Variants in SERGEF observed in about 807,000 individuals in gnomAD.
SERGEF encodes secretion regulating guanine nucleotide exchange factor, also known as secretion-regulating guanine nucleotide exchange factor.
Under a neutral mutation model 50.0 loss-of-function variants are expected in SERGEF, and 51 were observed. The observed-to-expected ratio is 1.02, with a 90% CI of 0.81 to 1.29. The LOEUF is 1.29. Among genes scored for constraint, SERGEF ranks in the 50% most tolerant of loss-of-function variants. SERGEF has a pLI of 0.00. For missense variants in SERGEF, 521 were observed against 557.0 expected, an observed-to-expected ratio of 0.94 and a Z score of 0.65; for synonymous variants, 205 against 212.4, an observed-to-expected ratio of 0.97 and a Z score of 0.30.
intron 8 of SERGEF, among the ~76,000 whole-genome samples, chr11:17,986,079 G>C (rs560906988): frequency 6.6e-6 from 1 of 152,220 alleles, no homozygotes; most frequent in African/African-American, 2.4e-5. Context: ...GTTCATTCCA[G>C]GAACAATTCA....
At chr11:18,000,636 G>A in intron 4 of SERGEF, 79 bp from the exon 5 acceptor site, 1 of 1,022,052 alleles carries the variant, frequency 9.8e-7, no homozygotes, top group Non-Finnish European at 1.5e-6. Context: ...CAAATACAAT[G>A]CAGTACGGTC....
At chr11:17,957,251 T>C (rs1412153630) in intron 9 of SERGEF, among the ~76,000 whole-genome samples, 2 of 152,232 alleles carry the variant, frequency 1.3e-5, no homozygotes, top group African/African-American at 4.8e-5. Flanking sequence ...TGCTGCATAC[T>C]GTGGCTACCA....
chr11:17,838,460 G>A (rs559787714), intron 10 of SERGEF, among the ~76,000 whole-genome samples: 1 of 152,302 alleles, frequency 6.6e-6, no homozygotes, highest in East Asian at 1.9e-4. Flanking sequence ...CACTAGATTA[G>A]AAGTCAGAGG....
chr11:17,821,683 G>A (rs1850087496), intron 10 of SERGEF, among the ~76,000 whole-genome samples: 1 of 152,138 alleles, frequency 6.6e-6, no homozygotes, highest in African/African-American at 2.4e-5. Flanking sequence ...TTCTCTGCAT[G>A]CCTTTCCTTA....
At chr11:17,911,528 T>G (rs572634104) in intron 9 of SERGEF, among the ~76,000 whole-genome samples, 5 of 151,836 alleles carry the variant, frequency 3.3e-5, no homozygotes, top group Non-Finnish European at 4.4e-5. Flanking sequence ...GATCTCTCTG[T>G]TGCCCAGACT....
intron 10 of SERGEF, among the ~76,000 whole-genome samples, chr11:17,866,539 C>G (rs926272661): frequency 6.6e-6 from 1 of 152,146 alleles, no homozygotes; most frequent in Non-Finnish European, 1.5e-5. Flanking sequence ...GAGTCTTGCT[C>G]TGTCACCCAG....
At chr11:17,902,752 G>A (rs940826359) in intron 9 of SERGEF, among the ~76,000 whole-genome samples, 2 of 152,186 alleles carry the variant, frequency 1.3e-5, no homozygotes, top group Non-Finnish European at 2.9e-5. Context: ...GTACATGAGC[G>A]CCTGCAAGGA....
chr11:17,857,381 T>C (rs1850840757), intron 10 of SERGEF, among the ~76,000 whole-genome samples: 1 of 152,174 alleles, frequency 6.6e-6, no homozygotes, highest in Non-Finnish European at 1.5e-5. Context: ...TTACATTAGA[T>C]CAGCTAAGAT....
At chr11:17,887,979 AT>A (rs1157441088) in intron 9 of SERGEF, among the ~76,000 whole-genome samples, 9 of 152,140 alleles carry the variant, frequency 5.9e-5, no homozygotes, top group Non-Finnish European at 1.2e-4. Flanking sequence ...CATCGCTCAC[AT>A]TACCATCTGA....
chr11:17,992,729 G>A (rs920031779), intron 7 of SERGEF, among the ~76,000 whole-genome samples: 6 of 152,122 alleles, frequency 3.9e-5, no homozygotes, highest in Admixed American at 1.3e-4. Context: ...TTTAATTCTC[G>A]TAACTGCCCA....
intron 5 of SERGEF, chr11:17,999,372 T>C (rs940422139): frequency 3.2e-6 from 1 of 313,886 alleles, no homozygotes; most frequent in Non-Finnish European, 6.2e-6. Context: ...GGGTCTGTTT[T>C]ATTTTTGCAG....
chr11:17,957,466 C>T (rs1410984933), intron 9 of SERGEF, among the ~76,000 whole-genome samples: 1 of 152,132 alleles, frequency 6.6e-6, no homozygotes, highest in Non-Finnish European at 1.5e-5. Flanking sequence ...TACTACCTGA[C>T]CACAAAGTCT....
chr11:17,856,595 A>G (rs1850823594), intron 10 of SERGEF: 2 of 152,250 alleles, frequency 1.3e-5, no homozygotes, highest in South Asian at 4.1e-4. Context: ...TAAGCTGCAG[A>G]GTACCCAGGA....
chr11:17,897,081 T>C (rs1225546129), intron 9 of SERGEF, among the ~76,000 whole-genome samples: 2 of 152,230 alleles, frequency 1.3e-5, no homozygotes, highest in African/African-American at 2.4e-5. Flanking sequence ...CTCTGGCTGA[T>C]GGCAGAAGGA....
Position 17,998,478 on chromosome 11 carries a change from T to C in SERGEF, c.508+2019A>G, listed in dbSNP as rs971361923. Among the ~76,000 whole-genome samples, 60 of 111,852 alleles carry C rather than the reference T, an allele frequency of 5.4e-4. 1 individual carries two copies. Among genetic ancestry groups the C allele is most frequent in the Non-Finnish European group, 8.3e-4 (45 of 53,960 alleles). The allele number at this position is 111,852 out of a possible 152,430, so 73.4% of individuals were successfully genotyped here. A position where few individuals can be genotyped will look rare whatever the true frequency, so the allele number is the denominator to read the frequency against. On this transcript the variant is annotated intron_variant, in intron 5 of 10. Coordinates refer to ENST00000265965, the MANE Select transcript of SERGEF (RefSeq NM_012139.4). ...ATATATATATATATATATATATATA[T>C]ATATATATATGCATGTGTGAGTGTG...
intron 9 of SERGEF, among the ~76,000 whole-genome samples, chr11:17,939,784 G>A (rs184895095): frequency 1.1e-4 from 17 of 152,314 alleles, no homozygotes; most frequent in African/African-American, 3.8e-4. Flanking sequence ...CCATAGCTCC[G>A]TGGGACCCTG....
At chr11:17,866,203 T>C (rs1372835133) in intron 10 of SERGEF, among the ~76,000 whole-genome samples, 2 of 152,202 alleles carry the variant, frequency 1.3e-5, no homozygotes, top group Non-Finnish European at 2.9e-5. Context: ...TGAGTGCTAG[T>C]CCCAGCTCTG....
intron 8 of SERGEF, among the ~76,000 whole-genome samples, chr11:17,975,497 C>T (rs544983229): frequency 2.7e-4 from 41 of 152,154 alleles, no homozygotes; most frequent in Non-Finnish European, 5.1e-4. Flanking sequence ...CTCACAATAG[C>T]TTCCCAGAAG....
At chr11:17,818,470 G>T (rs1445835231) in intron 10 of SERGEF, among the ~76,000 whole-genome samples, 1 of 152,142 alleles carries the variant, frequency 6.6e-6, no homozygotes, top group African/African-American at 2.4e-5. Flanking sequence ...CCATGAGATA[G>T]ATACATTATT....
Sources: gnomAD v4.1 joint callset for allele counts (sites outside exome capture counted in the v4.1 genomes callset) on GRCh38, gnomAD v4.1.1 for gene constraint, MANE v1.5 for transcripts, NCBI Gene and HGNC (gene_info 2026-07-23, HGNC 2026-07-21) for gene names.